The following RADIL variants were observed in gnomAD, a reference collection of about 807,000 sequenced individuals.
RADIL encodes the protein ras-associating and dilute domain-containing protein.
RADIL carries 99 observed loss-of-function variants against 97.6 expected under a neutral mutation model. That is an observed-to-expected ratio of 1.01 (90% confidence interval 0.86 to 1.20). The LOEUF (loss-of-function observed/expected upper bound fraction) is 1.20. Ranked by LOEUF, RADIL falls within the 50% of genes most tolerant of loss-of-function variation. The pLI, the probability that RADIL is intolerant of heterozygous loss-of-function variation, is 0.00. For missense variants in RADIL, 1,765 were observed against 1,498.9 expected (o/e 1.18, Z -2.93); for synonymous variants, 803 against 691.8 (o/e 1.16, Z -2.52).
At chr7:4,816,581 G>T in intron 7 of RADIL, 116 bp from the exon 8 acceptor site, 1 of 790,584 alleles carries the variant, frequency 1.3e-6, no homozygotes, top group Non-Finnish European at 2.1e-6. Flanking sequence ...ACCCGGCCTC[G>T]GTAGCTTCCT....
Position 4,822,742 on chromosome 7 carries a change from C to T in RADIL, c.1455-188G>A, listed in dbSNP as rs1293228449. Among the ~76,000 whole-genome samples, 6 of 152,182 alleles carry T rather than the reference C, an allele frequency of 3.9e-5. No individual in the cohort carries two copies. In the South Asian group the frequency reaches 1.0e-3, roughly 26 times the overall value. On this transcript the variant is annotated intron_variant, in intron 5 of 14. Transcript: ENST00000399583. This position sits in a 1 kb window ranked among gnomAD's most constrained non-coding sequence, Gnocchi z 5.3. ...CCGCCTGGCACCTGCCTACAACACC[C>T]GACAGCCAGAGGACCCTACAAACCT... is the stretch of plus-strand genomic sequence containing the variant.
At chr7:4,846,883 A>G (rs1783587815) in intron 2 of RADIL, among the ~76,000 whole-genome samples, 2 of 152,188 alleles carry the variant, frequency 1.3e-5, no homozygotes, top group African/African-American at 2.4e-5. Flanking sequence ...ATTTGAATAA[A>G]CATTTCTTCA....
intron 9 of RADIL, among the ~76,000 whole-genome samples, chr7:4,811,548 C>G (rs1403309398): frequency 3.1e-5 from 4 of 130,894 alleles, no homozygotes; most frequent in African/African-American, 1.1e-4. Context: ...AGTGCAGTGG[C>G]GCAATCTCGG....
intron 2 of RADIL, chr7:4,865,842 T>C: frequency 1.4e-6 from 1 of 713,196 alleles, no homozygotes; most frequent in Admixed American, 2.0e-5. Flanking sequence ...GTGAACCCCT[T>C]TTCTGTGTTG....
At position 4,837,364 on chromosome 7, in the gene RADIL, G is replaced by A. The variant is rs1482332805; in HGVS notation, c.536-759C>T. Among the ~76,000 whole-genome samples, 1 of 152,196 alleles carries A rather than the reference G, an allele frequency of 6.6e-6. No homozygotes were observed. The highest frequency in any genetic ancestry group is 2.4e-5 in the African/African-American group (1 of 41,450). ...TGCACCAGGCGAAACTCCCCTGGGG[G>A]TGGTGCTCTGACGAGACGAGACGGA... On this transcript the variant is annotated intron_variant, in intron 2 of 14. Coordinates refer to ENST00000399583, the MANE Select transcript of RADIL (RefSeq NM_018059.5). This position sits in a 1 kb window ranked among gnomAD's most constrained non-coding sequence, Gnocchi z 5.6.
At chr7:4,802,056 G>A (rs1782105703) in intron 11 of RADIL, 61 bp from the exon 12 acceptor site, 3 of 1,358,310 alleles carry the variant, frequency 2.2e-6, no homozygotes, top group Admixed American at 2.9e-5. Flanking sequence ...CAGCACTCGG[G>A]CAACTGGGCA....
chr7:4,809,557 C>A (rs1330649409), intron 9 of RADIL: 12 of 985,374 alleles, frequency 1.2e-5, no homozygotes, highest in Non-Finnish European at 1.2e-5. Context: ...CCCGCCCAGG[C>A]ACCACGGCAG....
chr7:4,858,713 G>T (rs779039805), intron 2 of RADIL: 1 of 152,542 alleles, frequency 6.6e-6, no homozygotes. Context: ...ATATCTCATA[G>T]ACATTACATT....
intron 5 of RADIL, among the ~76,000 whole-genome samples, chr7:4,825,757 T>A (rs2115206183): frequency 6.6e-6 from 1 of 152,066 alleles, no homozygotes; most frequent in African/African-American, 2.4e-5. Flanking sequence ...GTTCCTGTTA[T>A]CCCAGCTACT....
intron 2 of RADIL, chr7:4,859,820 A>T: frequency 1.2e-6 from 1 of 854,024 alleles, no homozygotes; most frequent in Non-Finnish European, 1.8e-6. Context: ...TTGTCTTTGT[A>T]TTGAGTTTCT....
At chr7:4,864,846 C>G (rs1272220306) in intron 2 of RADIL, among the ~76,000 whole-genome samples, 1 of 152,208 alleles carries the variant, frequency 6.6e-6, no homozygotes, top group Non-Finnish European at 1.5e-5. Context: ...TATTACTGAC[C>G]TTTTCAAAGT....
Position 4,815,130 on chromosome 7 carries a change from A to G in RADIL, c.2139+148T>C. 1.0e-6 allele frequency: 1 copy of G among 1,004,374 alleles called. No homozygotes were observed. The highest frequency in any genetic ancestry group is 1.4e-6 in the Non-Finnish European group (1 of 709,954). The allele number at this position is 1,004,374 out of a possible 1,614,324, so 62.2% of individuals were successfully genotyped here. A position where few individuals can be genotyped will look rare whatever the true frequency, so the allele number is the denominator to read the frequency against. ...GCAGGTGGACACAGCCATGGAATGG[A>G]AGCAACTTTTCTGATTACCTACGGT... On this transcript the variant is annotated intron_variant, in intron 9 of 14. Transcript: ENST00000399583. This position sits in a 1 kb window ranked among gnomAD's most constrained non-coding sequence, Gnocchi z 8.0.
chr7:4,870,569 G>A (rs1323629279), intron 2 of RADIL, among the ~76,000 whole-genome samples: 1 of 152,094 alleles, frequency 6.6e-6, no homozygotes. Flanking sequence ...AGCCTCCCAA[G>A]TAGCTGGGAT....
chr7:4,855,147 T>A (rs1419884375), intron 2 of RADIL, among the ~76,000 whole-genome samples: 2 of 152,210 alleles, frequency 1.3e-5, no homozygotes, highest in Non-Finnish European at 2.9e-5. Flanking sequence ...TGCATGAATA[T>A]GCCACCATCC....
At chr7:4,865,723 T>C in intron 2 of RADIL, 5 of 1,071,404 alleles carry the variant, frequency 4.7e-6, no homozygotes, top group Non-Finnish European at 2.9e-6. Flanking sequence ...TTCTACGGGG[T>C]GGGTGCAATC....
At chr7:4,857,152 T>C (rs1365655225) in intron 2 of RADIL, among the ~76,000 whole-genome samples, 1 of 152,266 alleles carries the variant, frequency 6.6e-6, no homozygotes, top group East Asian at 1.9e-4. Context: ...GGCTGAGTTA[T>C]TAGGTGCAGA....
chr7:4,835,369 GC>G lies in RADIL; in HGVS notation c.784-131del. The stretch of plus-strand genomic sequence containing the variant: ...TCGCCACGGGCTCTCCATGTCCCTG[GC>G]CACCCCCACACCAGAACCCCGACGG... On this transcript the variant is annotated intron_variant, in intron 3 of 14. Coordinates refer to ENST00000399583, the MANE Select transcript of RADIL (RefSeq NM_018059.5). The surrounding 1 kb of genome is among the most constrained non-coding windows in gnomAD (Gnocchi z 5.8). The G allele has an allele frequency of 1.6e-6, 2 of 1,218,332 alleles. No homozygotes were observed. Among genetic ancestry groups the G allele is most frequent in the African/African-American group, 1.5e-5 (1 of 66,914 alleles). 75.5% of individuals were successfully genotyped at this position (1,218,332 alleles called of 1,614,324 possible).
intron 4 of RADIL, 54 bp from the exon 5 acceptor site, chr7:4,832,232 G>C: frequency 6.5e-7 from 1 of 1,541,832 alleles, no homozygotes; most frequent in Non-Finnish European, 8.8e-7. Flanking sequence ...CTAACACAGG[G>C]ACGCGTTCAA....
At chr7:4,806,944 C>T (rs1782328769) in intron 9 of RADIL, among the ~76,000 whole-genome samples, 1 of 152,166 alleles carries the variant, frequency 6.6e-6, no homozygotes, top group Non-Finnish European at 1.5e-5. Flanking sequence ...TCTCTGCACC[C>T]ATCGTCCTGC....
Sources: allele counts gnomAD v4.1 joint callset (sites outside exome capture counted in the v4.1 genomes callset), GRCh38; gene constraint gnomAD v4.1.1; non-coding constraint Gnocchi (gnomAD v3.1); transcripts MANE v1.5; gene names NCBI Gene and HGNC (gene_info 2026-07-23, HGNC 2026-07-21).